DKK4: variants seen among roughly 807,000 people sequenced by gnomAD.
The protein encoded by DKK4 is dickkopf Wnt signaling pathway inhibitor 4.
A neutral mutation model predicts 14.5 loss-of-function variants in DKK4; 15 were observed. The observed-to-expected ratio is 1.03, with a 90% CI of 0.69 to 1.59. The LOEUF (loss-of-function observed/expected upper bound fraction) is 1.59. Ranked by LOEUF, DKK4 falls within the 40% of genes most tolerant of loss-of-function variation. The pLI, the probability that DKK4 is intolerant of heterozygous loss-of-function variation, is 0.00. For synonymous variants in DKK4, 89 were observed against 105.2 expected (o/e 0.85, Z 0.94); for missense variants, 272 against 280.3 (o/e 0.97, Z 0.21).
At chr8:42,388,564 A>T in the DKK4 span, among the ~76,000 whole-genome samples, 21 of 147,914 alleles carry the variant, frequency 1.4e-4, no homozygotes, top group Admixed American at 4.1e-4. Context: ...CTTTTATTTA[A>T]TTAATTAATT....
chr8:42,389,918 G>A, the DKK4 span, among the ~76,000 whole-genome samples: 3 of 149,482 alleles, frequency 2.0e-5, no homozygotes, highest in Non-Finnish European at 4.4e-5. Flanking sequence ...TTTAGACGGA[G>A]TCTTGCCCTG....
chr8:42,382,760 T>A, the DKK4 span, among the ~76,000 whole-genome samples: 1 of 152,234 alleles, frequency 6.6e-6, no homozygotes, highest in Non-Finnish European at 1.5e-5. Context: ...GCCTAGCTCA[T>A]GGGAACACTA....
chr8:42,388,946 ATTTG>A, the DKK4 span, among the ~76,000 whole-genome samples: 2 of 152,000 alleles, frequency 1.3e-5, no homozygotes, highest in Non-Finnish European at 2.9e-5. Flanking sequence ...TGGTTACATT[ATTTG>A]TTTGTTTTTG....
the DKK4 span, among the ~76,000 whole-genome samples, chr8:42,390,135 C>A: frequency 1.3e-5 from 2 of 152,070 alleles, no homozygotes; most frequent in African/African-American, 4.8e-5. Context: ...CTCAAGTGAT[C>A]CGCCCCCCTC....
In DKK4 at chr8:42,375,803, AGTCCGT is replaced by A. The variant is rs1326991398; in HGVS notation, c.133_138del (p.Thr45_Asp46del). The stretch of plus-strand genomic sequence containing the variant: ...TGGAGGCAGAACTTTCTGGTATTGC[AGTCCGT>A]GTCAGACAGGCACTGTGAGCCCTGT... On this transcript the variant is annotated inframe_deletion, in exon 2 of 4. Coordinates refer to ENST00000220812, the MANE Select transcript of DKK4 (RefSeq NM_014420.3). 6.2e-7 allele frequency: 1 copy of A among 1,614,138 alleles called. No homozygotes were observed. Among genetic ancestry groups the A allele is most frequent in the Non-Finnish European group, 8.5e-7 (1 of 1,180,008 alleles).
upstream of DKK4, among the ~76,000 whole-genome samples, chr8:42,380,877 G>T (rs1824667237): frequency 6.9e-6 from 1 of 145,478 alleles, no homozygotes; most frequent in Non-Finnish European, 1.5e-5. Flanking sequence ...AAAGGAAGGA[G>T]AAAGAAAGAG....
intron 1 of DKK4, among the ~76,000 whole-genome samples, chr8:42,376,153 A>G (rs778387842): frequency 1.3e-5 from 2 of 152,180 alleles, no homozygotes; most frequent in Admixed American, 6.5e-5. Context: ...TTTTCAATAT[A>G]TCTTAACTCT....
chr8:42,377,222 C>T lies in DKK4; in HGVS notation c.-177G>A. The T allele has an allele frequency of 1.7e-6, 1 of 579,230 alleles. No homozygotes were observed. Among genetic ancestry groups the T allele is most frequent in the Non-Finnish European group, 3.1e-6 (1 of 327,042 alleles). The allele number at this position is 579,230 out of a possible 1,614,324, so 35.9% of individuals were successfully genotyped here. A position where few individuals can be genotyped will look rare whatever the true frequency, so the allele number is the denominator to read the frequency against. On this transcript the variant is annotated 5_prime_UTR_variant, in exon 1 of 4. Coordinates refer to ENST00000220812, the MANE Select transcript of DKK4 (RefSeq NM_014420.3). ...AGTAAGGTGCGTGAAATCGGCTGAG[C>T]AAAGTCTGACCAGCAGGTTCCTCCT...
chr8:42,376,115 A>C (rs137895573), intron 1 of DKK4, among the ~76,000 whole-genome samples: 1 of 152,342 alleles, frequency 6.6e-6, no homozygotes, highest in African/African-American at 2.4e-5. Flanking sequence ...ATGTTTTCCT[A>C]TGTGTGTCTT....
the DKK4 span, among the ~76,000 whole-genome samples, chr8:42,388,846 G>C: frequency 6.6e-6 from 1 of 152,276 alleles, no homozygotes; most frequent in Admixed American, 6.5e-5. Flanking sequence ...TGGGATTACA[G>C]GCGTGAGCCA....
chr8:42,389,396 C>T, the DKK4 span, among the ~76,000 whole-genome samples: 3 of 152,234 alleles, frequency 2.0e-5, no homozygotes, highest in Non-Finnish European at 4.4e-5. Flanking sequence ...GCTCTTTGGA[C>T]TCCTAAGCTC....
At chr8:42,384,410 TA>T in the DKK4 span, among the ~76,000 whole-genome samples, 2 of 152,200 alleles carry the variant, frequency 1.3e-5, no homozygotes, top group African/African-American at 2.4e-5. Flanking sequence ...CCCAAAGTGC[TA>T]GGATTACAGT....
At chr8:42,375,062 T>C (rs770350258) in intron 2 of DKK4, 149 bp from the exon 3 acceptor site, 53 of 781,050 alleles carry the variant, frequency 6.8e-5, no homozygotes, top group Admixed American at 1.7e-4. Context: ...GTGCTAAATA[T>C]TTACATGCTC....
upstream of DKK4, chr8:42,377,249 A>C (rs1479807326): frequency 1.8e-6 from 1 of 557,888 alleles, no homozygotes; most frequent in East Asian, 2.9e-5. Flanking sequence ...GTTCCTCCTG[A>C]AACTATTTAT....
chr8:42,380,247 T>A (rs551290954), upstream of DKK4, among the ~76,000 whole-genome samples: 2 of 151,908 alleles, frequency 1.3e-5, no homozygotes, highest in Non-Finnish European at 2.9e-5. Flanking sequence ...GCAAGAGGAT[T>A]GCTTGAGCCT....
chr8:42,375,635 C>T (rs1398730141), intron 2 of DKK4, 45 bp downstream of exon 2: 1 of 1,609,550 alleles, frequency 6.2e-7, no homozygotes, highest in South Asian at 1.1e-5. Context: ...GGGGCTTAGA[C>T]ACTACCTTCG....
chr8:42,386,961 G>T, the DKK4 span, among the ~76,000 whole-genome samples: 1 of 152,112 alleles, frequency 6.6e-6, no homozygotes, highest in African/African-American at 2.4e-5. Context: ...TTCTCTGAAC[G>T]AGGCCACAGG....
upstream of DKK4, among the ~76,000 whole-genome samples, chr8:42,378,926 T>C (rs550946945): frequency 1.4e-3 from 198 of 138,890 alleles, 3 homozygotes; most frequent in Middle Eastern, 0.026. Flanking sequence ...GGGCAACATA[T>C]TGAGATCCTG....
intron 2 of DKK4, 131 bp downstream of exon 2, chr8:42,375,549 G>T: frequency 8.9e-7 from 1 of 1,128,742 alleles, no homozygotes; most frequent in Non-Finnish European, 1.2e-6. Context: ...AGAAAAGGCA[G>T]CTGCATACAT....
Sources: gnomAD v4.1 joint callset for allele counts (sites outside exome capture counted in the v4.1 genomes callset) on GRCh38, gnomAD v4.1.1 for gene constraint, MANE v1.5 for transcripts, NCBI Gene and HGNC (gene_info 2026-07-23, HGNC 2026-07-21) for gene names.